The following EPHA6 variants were observed in gnomAD, a reference collection of about 807,000 sequenced individuals.
The protein encoded by EPHA6 is ephrin type-A receptor 6.
EPHA6 carries 50 observed loss-of-function variants against 112.0 expected under a neutral mutation model. The ratio of observed to expected loss-of-function variants is 0.45; its 90% CI spans 0.36 to 0.56. The LOEUF (loss-of-function observed/expected upper bound fraction) is 0.56, where lower values mean the gene tolerates loss of function less well. Among genes scored for constraint, EPHA6 ranks in the 20% least tolerant of loss-of-function variants. EPHA6 has a pLI of 0.00. For synonymous variants in EPHA6, 529 were observed against 490.7 expected (o/e 1.08, Z -1.03); for missense variants, 1,280 against 1,417.4 (o/e 0.90, Z 1.56).
At chr3:97,263,235 G>C (rs1184952939) in intron 5 of EPHA6, among the ~76,000 whole-genome samples, 2 of 152,188 alleles carry the variant, frequency 1.3e-5, no homozygotes, top group East Asian at 1.9e-4. Flanking sequence ...GTGTTTAAAA[G>C]TGTTATAGTA....
At chr3:97,705,736 G>C (rs1436136447) in intron 14 of EPHA6, among the ~76,000 whole-genome samples, 1 of 152,058 alleles carries the variant, frequency 6.6e-6, no homozygotes, top group Non-Finnish European at 1.5e-5. Context: ...AAATGGAAAG[G>C]GCTCTTAGAA....
intron 2 of EPHA6, among the ~76,000 whole-genome samples, chr3:96,980,973 A>G (rs891093824): frequency 1.3e-5 from 2 of 152,164 alleles, no homozygotes; most frequent in African/African-American, 4.8e-5. Flanking sequence ...GGTTTTCTAA[A>G]TATACAAGCA....
chr3:97,099,796 C>A (rs1014225969), intron 3 of EPHA6, among the ~76,000 whole-genome samples: 1 of 151,938 alleles, frequency 6.6e-6, no homozygotes, highest in African/African-American at 2.4e-5. Context: ...ATGGAAGTAA[C>A]CTAGATCCTG....
intron 7 of EPHA6, among the ~76,000 whole-genome samples, chr3:97,451,432 T>A (rs1036524364): frequency 2.6e-5 from 4 of 151,804 alleles, no homozygotes; most frequent in African/African-American, 7.3e-5. Flanking sequence ...GAATTACTGA[T>A]TCAGGAATGC....
chr3:96,829,114 G>A (rs1289760515), intron 1 of EPHA6, among the ~76,000 whole-genome samples: 1 of 152,032 alleles, frequency 6.6e-6, no homozygotes, highest in East Asian at 1.9e-4. Flanking sequence ...GAGGTATGAA[G>A]AACAAGCACT....
rs1349585419 is a variant in EPHA6 at position 97,375,917 on chromosome 3, T to G, written c.1607-29233T>G. On this transcript the variant is annotated intron_variant, in intron 5 of 17. Transcript: ENST00000389672. ...AAGAAAGCATGTATGGGGACAGTGG[T>G]GGAGGAGGAATGGATTACAAATGGG... Among the ~76,000 whole-genome samples the G allele has an allele frequency of 5.3e-5, 8 of 152,116 alleles. No homozygotes were observed. The East Asian group carries it at 1.5e-3, about 29-fold the overall frequency.
At chr3:97,335,716 T>C (rs1256115618) in intron 5 of EPHA6, among the ~76,000 whole-genome samples, 1 of 152,140 alleles carries the variant, frequency 6.6e-6, no homozygotes, top group Non-Finnish European at 1.5e-5. Context: ...ACAGAGCCAA[T>C]TTATCAAGAC....
At chr3:96,850,549 G>T (rs1470556059) in intron 1 of EPHA6, among the ~76,000 whole-genome samples, 1 of 152,098 alleles carries the variant, frequency 6.6e-6, no homozygotes, top group African/African-American at 2.4e-5. Context: ...TTCTTAAGGT[G>T]GTCACGTAAG....
At chr3:97,649,355 C>A (rs2094090948) in intron 14 of EPHA6, among the ~76,000 whole-genome samples, 1 of 151,992 alleles carries the variant, frequency 6.6e-6, no homozygotes, top group Admixed American at 6.6e-5. Flanking sequence ...CTCCACCTGG[C>A]CCCACCCTTG....
At chr3:97,000,901 A>T (rs1676535770) in intron 3 of EPHA6, among the ~76,000 whole-genome samples, 1 of 151,032 alleles carries the variant, frequency 6.6e-6, no homozygotes. Context: ...AAGGCAAGAC[A>T]TTTCTTTACA....
intron 5 of EPHA6, among the ~76,000 whole-genome samples, chr3:97,385,405 A>G (rs894981861): frequency 2.0e-5 from 3 of 152,182 alleles, no homozygotes; most frequent in African/African-American, 7.2e-5. Context: ...ATATACTCTT[A>G]TAACAAAAAG....
chr3:97,172,990 C>T (rs1576616144), intron 3 of EPHA6, among the ~76,000 whole-genome samples: 1 of 151,820 alleles, frequency 6.6e-6, no homozygotes, highest in African/African-American at 2.4e-5. Context: ...ATTTCAGGAG[C>T]TTATAGATTT....
intron 5 of EPHA6, among the ~76,000 whole-genome samples, chr3:97,320,329 T>A (rs542925144): frequency 2.6e-5 from 4 of 151,680 alleles, no homozygotes; most frequent in Non-Finnish European, 2.9e-5. Flanking sequence ...AAAATTTATA[T>A]GTTTATTTTT....
chr3:97,400,272 G>A (rs1487473500), intron 5 of EPHA6, among the ~76,000 whole-genome samples: 1 of 151,604 alleles, frequency 6.6e-6, no homozygotes, highest in Non-Finnish European at 1.5e-5. Flanking sequence ...AAAATACATA[G>A]GTTTATTTCT....
chr3:97,466,146 T>A, intron 7 of EPHA6: 1 of 575,230 alleles, frequency 1.7e-6, no homozygotes, highest in Non-Finnish European at 3.2e-6. Context: ...AAAGGTTGTT[T>A]TAGAAAGGTA....
chr3:97,558,521 C>T (rs985825992), intron 11 of EPHA6, among the ~76,000 whole-genome samples: 15 of 151,978 alleles, frequency 9.9e-5, no homozygotes, highest in African/African-American at 3.6e-4. Flanking sequence ...TTGTCTTTCC[C>T]CCTTTCCCCC....
At chr3:97,210,248 G>C (rs566607465) in intron 3 of EPHA6, among the ~76,000 whole-genome samples, 1 of 152,252 alleles carries the variant, frequency 6.6e-6, no homozygotes, top group East Asian at 1.9e-4. Flanking sequence ...TGCATGGCTG[G>C]AGAGGTCTCA....
In EPHA6 at chr3:97,053,251, A is replaced by G. The variant is rs561702295; in HGVS notation, c.1114+65258A>G. On this transcript the variant is annotated intron_variant, in intron 3 of 17. Coordinates refer to ENST00000389672, the MANE Select transcript of EPHA6 (RefSeq NM_001080448.3). ...TATAGAGCATAAAGGGTGAAGGGTT[A>G]TAGTAAGTAAGGGTAGAGGTTCTGT... is the stretch of plus-strand genomic sequence containing the variant. Among the ~76,000 whole-genome samples the G allele has an allele frequency of 2.4e-4, 36 of 152,212 alleles. 1 individual carries two copies. Among genetic ancestry groups the G allele is most frequent in the African/African-American group, 6.5e-4 (27 of 41,562 alleles).
intron 7 of EPHA6, among the ~76,000 whole-genome samples, chr3:97,459,516 G>C (rs2090814522): frequency 6.6e-6 from 1 of 152,134 alleles, no homozygotes; most frequent in Non-Finnish European, 1.5e-5. Context: ...TGAGGACCAT[G>C]CAATGCCATC....
Sources: gnomAD v4.1 joint callset for allele counts (sites outside exome capture counted in the v4.1 genomes callset) on GRCh38, gnomAD v4.1.1 for gene constraint, MANE v1.5 for transcripts, NCBI Gene and HGNC (gene_info 2026-07-23, HGNC 2026-07-21) for gene names.